Variants in MYO1B observed in about 807,000 individuals in gnomAD.
MYO1B encodes the protein myosin IB.
Under a neutral mutation model 159.7 loss-of-function variants are expected in MYO1B, and 72 were observed. The observed-to-expected ratio is 0.45, with a 90% CI of 0.37 to 0.55. The LOEUF (loss-of-function observed/expected upper bound fraction) is 0.55. MYO1B is among the 20% of genes least tolerant of loss of function. MYO1B has a pLI of 0.00. For missense variants in MYO1B, 1,062 were observed against 1,364.8 expected (o/e 0.78, Z 3.50); for synonymous variants, 468 against 473.8 (o/e 0.99, Z 0.16).
At chr2:191,281,197 G>A (rs1330735968) in intron 2 of MYO1B, among the ~76,000 whole-genome samples, 1 of 152,156 alleles carries the variant, frequency 6.6e-6, no homozygotes, top group Non-Finnish European at 1.5e-5. Flanking sequence ...AAATAGCACT[G>A]GATTGGTTCA....
intron 1 of MYO1B, among the ~76,000 whole-genome samples, chr2:191,253,273 C>T (rs1574264808): frequency 6.6e-6 from 1 of 152,136 alleles, no homozygotes; most frequent in South Asian, 2.1e-4. Context: ...CATTGTACCA[C>T]GTTTTGGGGG....
At chr2:191,338,618 A>T (rs998268163) in intron 4 of MYO1B, among the ~76,000 whole-genome samples, 1 of 152,110 alleles carries the variant, frequency 6.6e-6, no homozygotes, top group Admixed American at 6.6e-5. Flanking sequence ...CCACCAAAAG[A>T]TTCTCATTCT....
chr2:191,324,356 T>C (rs922721625), intron 3 of MYO1B, among the ~76,000 whole-genome samples: 2 of 152,182 alleles, frequency 1.3e-5, no homozygotes, highest in Non-Finnish European at 2.9e-5. Flanking sequence ...TTTGGATTAT[T>C]TGAATTTTTT....
chr2:191,337,121 A>C (rs557394493), intron 4 of MYO1B, among the ~76,000 whole-genome samples: 2 of 152,268 alleles, frequency 1.3e-5, no homozygotes, highest in Admixed American at 1.3e-4. Flanking sequence ...ATCCATGTGG[A>C]GCCTGCTCCA....
At chr2:191,377,789 T>C (rs1253695580) in intron 13 of MYO1B, 3 of 152,194 alleles carry the variant, frequency 2.0e-5, no homozygotes, top group Admixed American at 6.5e-5. Flanking sequence ...TGCAGTCCCA[T>C]TTTCCTCCAA....
At chr2:191,337,628 A>AC (rs1691941431) in intron 4 of MYO1B, among the ~76,000 whole-genome samples, 1 of 152,138 alleles carries the variant, frequency 6.6e-6, no homozygotes, top group Admixed American at 6.5e-5. Context: ...TTTAAGATTC[A>AC]AGTTACATTC....
chr2:191,251,657 ATTACAGGTTT>A (rs1686125974), intron 1 of MYO1B, among the ~76,000 whole-genome samples: 1 of 152,246 alleles, frequency 6.6e-6, no homozygotes, highest in African/African-American at 2.4e-5. Context: ...AGAATTGTAC[ATTACAGGTTT>A]TTAAATTTGT....
chr2:191,397,799 G>A (rs1283806956), intron 21 of MYO1B, among the ~76,000 whole-genome samples: 1 of 145,150 alleles, frequency 6.9e-6, no homozygotes, highest in Non-Finnish European at 1.5e-5. Flanking sequence ...CCTCCCGGAT[G>A]GGGCGTCTGG....
At chr2:191,317,661 A>G (rs898477358) in intron 3 of MYO1B, among the ~76,000 whole-genome samples, 1 of 152,054 alleles carries the variant, frequency 6.6e-6, no homozygotes, top group Non-Finnish European at 1.5e-5. Context: ...TTTTAAAAGG[A>G]GATTTTAGGT....
chr2:191,338,716 T>C (rs1356091868), intron 4 of MYO1B, among the ~76,000 whole-genome samples: 1 of 152,244 alleles, frequency 6.6e-6, no homozygotes, highest in African/African-American at 2.4e-5. Context: ...GAGGACTCAA[T>C]GTAGCCGTGA....
rs143245760 is a variant in MYO1B at position 191,274,741 on chromosome 2, C to T, written c.-9-2146C>T. 6.1e-4 allele frequency among the ~76,000 whole-genome samples: 93 copies of T among 152,250 alleles called. 1 individual carries two copies. In the East Asian group the frequency reaches 0.017, roughly 28 times the overall value. On this transcript the variant is annotated intron_variant, in intron 1 of 30. Coordinates refer to ENST00000392318, the MANE Select transcript of MYO1B (RefSeq NM_001130158.3). ...GCAAGTCCTTCTGTGGACTCTGGCT[C>T]TGGCTTCACCGTCTCTGTGGCTCCT...
intron 11 of MYO1B, among the ~76,000 whole-genome samples, chr2:191,368,463 TG>T (rs1423369555): frequency 6.6e-6 from 1 of 152,220 alleles, no homozygotes; most frequent in African/African-American, 2.4e-5. Flanking sequence ...CTGTATGCTC[TG>T]GGCACTCGGT....
chr2:191,253,869 A>G (rs1030652854), intron 1 of MYO1B, among the ~76,000 whole-genome samples: 5 of 152,238 alleles, frequency 3.3e-5, no homozygotes, highest in African/African-American at 9.6e-5. Context: ...ATGGCTTCCC[A>G]TCCACAAACC....
intron 2 of MYO1B, among the ~76,000 whole-genome samples, chr2:191,295,134 GT>G (rs1688909291): frequency 6.6e-6 from 1 of 151,846 alleles, no homozygotes; most frequent in South Asian, 2.1e-4. Flanking sequence ...TTATCACTTA[GT>G]TTATCACTTT....
intron 3 of MYO1B, among the ~76,000 whole-genome samples, chr2:191,315,366 A>C (rs895592460): frequency 6.6e-6 from 1 of 152,222 alleles, no homozygotes; most frequent in African/African-American, 2.4e-5. Context: ...CTTCCCTACT[A>C]TTCAAAATAG....
At chr2:191,354,256 AAAT>A (rs71030337) in intron 7 of MYO1B, among the ~76,000 whole-genome samples, 12,021 of 143,774 alleles carry the variant, frequency 0.084, 1,193 homozygotes, top group African/African-American at 0.25. Context: ...ACTCCGTCTT[AAAT>A]AATAATAATA....
chr2:191,258,061 T>G (rs1427742916), intron 1 of MYO1B, among the ~76,000 whole-genome samples: 1 of 152,198 alleles, frequency 6.6e-6, no homozygotes, highest in Non-Finnish European at 1.5e-5. Context: ...AACCAATATA[T>G]GTATCGCTTA....
chr2:191,325,545 G>A (rs994705225), intron 3 of MYO1B, among the ~76,000 whole-genome samples: 3 of 152,162 alleles, frequency 2.0e-5, no homozygotes, highest in African/African-American at 7.2e-5. Context: ...CAACTCTATA[G>A]GGAAGAGCTG....
chr2:191,379,213 A>G (rs572528532), intron 13 of MYO1B: 1 of 152,778 alleles, frequency 6.5e-6, no homozygotes, highest in South Asian at 2.1e-4. Context: ...TTAGAAGTTT[A>G]TTGCTAATTA....
Sources: allele counts gnomAD v4.1 joint callset (sites outside exome capture counted in the v4.1 genomes callset), GRCh38; gene constraint gnomAD v4.1.1; transcripts MANE v1.5; gene names NCBI Gene and HGNC (gene_info 2026-07-23, HGNC 2026-07-21).